The following SUPT6H variants were observed in gnomAD, a reference collection of about 807,000 sequenced individuals.
SUPT6H encodes transcription elongation factor SPT6.
A neutral mutation model predicts 222.3 loss-of-function variants in SUPT6H; 11 were observed. The ratio of observed to expected loss-of-function variants is 0.05; its 90% confidence interval spans 0.03 to 0.08. The LOEUF (loss-of-function observed/expected upper bound fraction) is 0.08. Ranked by LOEUF, SUPT6H falls within the 10% of genes least tolerant of loss-of-function variation. The pLI is 1.00. For synonymous variants in SUPT6H, 762 were observed against 801.2 expected (o/e 0.95, Z 0.83); for missense variants, 1,422 against 2,216.0 (o/e 0.64, Z 7.19).
In SUPT6H at chr17:28,701,938, A is replaced by C; in HGVS notation, c.*313A>C. The C allele has an allele frequency of 3.2e-6, 1 of 314,466 alleles. No homozygotes were observed. The highest frequency in any genetic ancestry group is 5.9e-6 in the Non-Finnish European group (1 of 168,362). The allele number at this position is 314,466 out of a possible 1,614,324, so 19.5% of individuals were successfully genotyped here. On this transcript the variant is annotated 3_prime_UTR_variant, in exon 37 of 37. Transcript: ENST00000314616. ...AACAGTTTTGTATTCTACTCCCTAC[A>C]AGCCATTTTGAACTTCTGCCCTCAC... is the stretch of plus-strand genomic sequence containing the variant.
intron 2 of SUPT6H, chr17:28,673,721 A>C: frequency 3.8e-6 from 2 of 532,452 alleles, no homozygotes; most frequent in Non-Finnish European, 3.3e-6. Context: ...AACAATAAAT[A>C]TCCAGCTATT....
In SUPT6H at chr17:28,696,996, G is replaced by T. The variant is rs1407723108; in HGVS notation, c.4123G>T (p.Asp1375Tyr). 2.7e-5 allele frequency: 44 copies of T among 1,613,988 alleles called. No individual in the cohort carries two copies. The highest frequency in any genetic ancestry group is 3.6e-5 in the Non-Finnish European group (43 of 1,180,038). Residue 1375 changes from aspartate to tyrosine, a missense_variant, in exon 30 of 37, where the codon GAT (aspartate) becomes TAT (tyrosine). Asp to Tyr is a radical substitution (Grantham distance 160). Around this residue, in one of 13 missense-constraint regions of SUPT6H, gnomAD observed 395 missense variants for 580.6 expected, o/e 0.68. Coordinates refer to ENST00000314616, the MANE Select transcript of SUPT6H (RefSeq NM_003170.5). ...CCTGACAGTGACCTGGAAAGTCAGT[G>T]ATGGCATCTACCAGCATGTGGATGT... ...NHLTVTWKVS[D>Y]GIYQHVDVRE...
At chr17:28,698,567 T>G (rs920764805) in intron 32 of SUPT6H, among the ~76,000 whole-genome samples, 2 of 152,246 alleles carry the variant, frequency 1.3e-5, no homozygotes, top group Non-Finnish European at 2.9e-5. Flanking sequence ...CCTCTAGCGC[T>G]TACCCTGAAC....
At position 28,674,353 on chromosome 17, in the gene SUPT6H, C is replaced by CGAT. The variant is rs758970671; in HGVS notation, c.189_191dup (p.Asp63dup). On this transcript the variant is annotated inframe_insertion, in exon 3 of 37. Coordinates refer to ENST00000314616, the MANE Select transcript of SUPT6H (RefSeq NM_003170.5). ...GCAACTTGAAAGGCTTTATCAATGACGATGATGATGAAGATGAAGGGGAGG... is the reference window on the plus strand; with the variant it reads ...GCAACTTGAAAGGCTTTATCAATGACGATGATGATGATGAAGATGAAGGGGAGG... 11 of 1,613,974 alleles carry CGAT rather than the reference C, an allele frequency of 6.8e-6. No individual in the cohort carries two copies. Among genetic ancestry groups the CGAT allele is most frequent in the Non-Finnish European group, 9.3e-6 (11 of 1,180,012 alleles).
At chr17:28,680,309 GAA>G (rs1383658597) in intron 11 of SUPT6H, among the ~76,000 whole-genome samples, 2 of 133,738 alleles carry the variant, frequency 1.5e-5, no homozygotes, top group Non-Finnish European at 3.2e-5. Context: ...CATCTCAAAA[GAA>G]GAGAGGCTGG....
chr17:28,681,067 C>G, intron 11 of SUPT6H, 189 bp from the exon 12 acceptor site: 1 of 589,972 alleles, frequency 1.7e-6, no homozygotes, highest in Non-Finnish European at 2.9e-6. Flanking sequence ...CATCCCATCT[C>G]CAGTCTGGGC....
Position 28,701,665 on chromosome 17 carries a change from GAAAGGCC to G in SUPT6H, c.*41_*47del. The G allele has an allele frequency of 6.4e-7, 1 of 1,563,468 alleles. No individual in the cohort carries two copies. Among genetic ancestry groups the G allele is most frequent in the East Asian group, 2.3e-5 (1 of 44,278 alleles). The stretch of plus-strand genomic sequence containing the variant: ...GGACTCTGGTTACCTCTGAGGCTGG[GAAAGGCC>G]TGGCTGCCCACTGCCTCCCTCCCTG... On this transcript the variant is annotated 3_prime_UTR_variant, in exon 37 of 37. Transcript: ENST00000314616.
intron 20 of SUPT6H, 78 bp downstream of exon 20, chr17:28,686,493 A>T: frequency 1.9e-6 from 3 of 1,562,002 alleles, no homozygotes. Flanking sequence ...GCATATGCCC[A>T]TAACAGATGG....
rs1286569329 is a variant in SUPT6H at position 28,673,655 on chromosome 17, TACTA to T, written c.109+149_109+152del. ...AGAACTTTCAGTCATTCTTAGCAGA[TACTA>T]ACTGAGCATCTGTCTGTATGCCAGG... On this transcript the variant is annotated intron_variant, in intron 2 of 36. Coordinates refer to ENST00000314616, the MANE Select transcript of SUPT6H (RefSeq NM_003170.5). 4 of 632,304 alleles carry T rather than the reference TACTA, an allele frequency of 6.3e-6. No individual in the cohort carries two copies. The East Asian group carries it at 1.1e-4, about 17-fold the overall frequency. 39.2% of individuals were successfully genotyped at this position (632,304 alleles called of 1,614,324 possible).
chr17:28,663,828 ATT>A lies in SUPT6H; in HGVS notation c.-32+1502_-32+1503del, dbSNP rs71135839. Among the ~76,000 whole-genome samples the A allele has an allele frequency of 1.0e-4, 4 of 38,374 alleles. 1 individual carries two copies. The highest frequency in any genetic ancestry group is 2.9e-4 in the African/African-American group (3 of 10,468). 25.2% of individuals were successfully genotyped at this position (38,374 alleles called of 152,430 possible). On this transcript the variant is annotated intron_variant, in intron 1 of 36. Coordinates refer to ENST00000314616, the MANE Select transcript of SUPT6H (RefSeq NM_003170.5). ...ATCTGGCTTCTCTTCTGCCCACTCC[ATT>A]TTTTTTTTTTTTTTTGTGGAGACAG...
chr17:28,666,654 C>T (rs548514449), intron 1 of SUPT6H, among the ~76,000 whole-genome samples: 21 of 151,440 alleles, frequency 1.4e-4, no homozygotes, highest in African/African-American at 4.6e-4. Flanking sequence ...CACGTTCAAG[C>T]GATTCTCCTG....
chr17:28,679,124 C>A (rs954379904), intron 11 of SUPT6H, among the ~76,000 whole-genome samples, 161 bp downstream of exon 11: 1 of 152,202 alleles, frequency 6.6e-6, no homozygotes, highest in African/African-American at 2.4e-5. Context: ...GTAATCCCAG[C>A]AATTTGGGAG....
At chr17:28,691,166 C>A in intron 27 of SUPT6H, 103 bp downstream of exon 27, 1 of 1,407,380 alleles carries the variant, frequency 7.1e-7, no homozygotes, top group Non-Finnish European at 9.7e-7. Flanking sequence ...CATTCTCTCA[C>A]CAAACAAGTA....
chr17:28,696,763 G>A, intron 29 of SUPT6H, 81 bp from the exon 30 acceptor site: 2 of 1,298,666 alleles, frequency 1.5e-6, no homozygotes, highest in Non-Finnish European at 2.2e-6. Context: ...AAATAAATAA[G>A]AAATGAAGGC....
intron 27 of SUPT6H, 148 bp from the exon 28 acceptor site, chr17:28,693,548 C>A: frequency 1.1e-6 from 1 of 924,246 alleles, no homozygotes; most frequent in Non-Finnish European, 1.6e-6. Flanking sequence ...CAAATTCTGT[C>A]TTGGCAGATG....
chr17:28,699,668 C>CT, intron 32 of SUPT6H, 113 bp from the exon 33 acceptor site: 1 of 872,786 alleles, frequency 1.1e-6, no homozygotes, highest in South Asian at 1.4e-5. Context: ...TGTGTCATCT[C>CT]TCCTTTCCCC....
In SUPT6H at chr17:28,675,444, A is replaced by G. The variant is rs1432971670; in HGVS notation, c.582A>G (p.Lys194=). 15 of 1,614,092 alleles carry G rather than the reference A, an allele frequency of 9.3e-6. No individual in the cohort carries two copies. The highest frequency in any genetic ancestry group is 1.3e-5 in the Non-Finnish European group (15 of 1,180,028). Residue 194 remains lysine, a synonymous_variant, in exon 6 of 37, where the codon AAA becomes AAG. Coordinates refer to ENST00000314616, the MANE Select transcript of SUPT6H (RefSeq NM_003170.5). ...FIVDDDGQPL[K]KPKWRKKLPG... Reference sequence around the variant, plus strand: ...TGGATGATGATGGACAGCCTCTGAAAAAACCTAAGTGGCGGAAAAAGCTTC... The same window carrying G: ...TGGATGATGATGGACAGCCTCTGAAGAAACCTAAGTGGCGGAAAAAGCTTC...
chr17:28,699,141 C>A (rs1567706561), intron 32 of SUPT6H, among the ~76,000 whole-genome samples: 1 of 152,136 alleles, frequency 6.6e-6, no homozygotes, highest in Non-Finnish European at 1.5e-5. Context: ...TGAGCACAAC[C>A]CAGCTTTAGG....
At chr17:28,683,568 T>G in intron 16 of SUPT6H, 53 bp from the exon 17 acceptor site, 1 of 1,594,670 alleles carries the variant, frequency 6.3e-7, no homozygotes, top group Non-Finnish European at 8.6e-7. Context: ...TCATGGACAT[T>G]GGGTGTCACC....
Sources: allele counts gnomAD v4.1 joint callset (sites outside exome capture counted in the v4.1 genomes callset), GRCh38; gene constraint gnomAD v4.1.1; regional missense constraint gnomAD v4.1.1; transcripts MANE v1.5; gene names NCBI Gene and HGNC (gene_info 2026-07-23, HGNC 2026-07-21).